Variants in SENP6 observed in about 807,000 individuals in gnomAD.
SENP6 encodes sentrin-specific protease 6.
A neutral mutation model predicts 134.5 loss-of-function variants in SENP6; 41 were observed. The ratio of observed to expected loss-of-function variants is 0.30; its 90% CI spans 0.24 to 0.40. The LOEUF is 0.40. Ranked by LOEUF, SENP6 falls within the 10% of genes least tolerant of loss-of-function variation. The pLI is 1.00. For missense variants in SENP6, 1,248 were observed against 1,312.5 expected, an observed-to-expected ratio of 0.95 and a Z score of 0.76; for synonymous variants, 395 against 429.8, an observed-to-expected ratio of 0.92 and a Z score of 1.00.
At chr6:75,644,315 C>T (rs1221638364) in intron 6 of SENP6, 1 of 151,974 alleles carries the variant, frequency 6.6e-6, no homozygotes, top group African/African-American at 2.4e-5. Flanking sequence ...ATAACTTAGA[C>T]CGAGGGACAC....
chr6:75,642,051 T>C (rs1770069000), intron 6 of SENP6, among the ~76,000 whole-genome samples: 1 of 152,242 alleles, frequency 6.6e-6, no homozygotes, highest in Non-Finnish European at 1.5e-5. Context: ...TTTGACAGCA[T>C]TACCATCCTT....
intron 1 of SENP6, among the ~76,000 whole-genome samples, chr6:75,618,981 A>T (rs1768058385): frequency 7.0e-6 from 1 of 143,846 alleles, no homozygotes. Context: ...TATTTTTTAG[A>T]GAGGATTTAT....
chr6:75,629,165 T>A (rs1768920440), intron 3 of SENP6, among the ~76,000 whole-genome samples: 3 of 152,250 alleles, frequency 2.0e-5, no homozygotes, highest in Admixed American at 2.0e-4. Context: ...TTACCAAGAT[T>A]TGAATAGCTA....
In SENP6 at chr6:75,673,119, A is replaced by C. The variant is rs529238506; in HGVS notation, c.1393-2316A>C. Among the ~76,000 whole-genome samples, 424 of 151,854 alleles carry C rather than the reference A, an allele frequency of 2.8e-3. 2 individuals are homozygous for C. Among genetic ancestry groups the C allele is most frequent in the Middle Eastern group, 0.014 (4 of 292 alleles). ...TGGGATTATAAGTGTGAGCCACTGC[A>C]CCCGGCCAATTGGCATTATTTAGAA... On this transcript the variant is annotated intron_variant, in intron 11 of 23. Transcript: ENST00000447266.
intron 19 of SENP6, among the ~76,000 whole-genome samples, 156 bp from the exon 20 acceptor site, chr6:75,709,371 A>G (rs1184372212): frequency 2.6e-5 from 4 of 152,194 alleles, no homozygotes. Context: ...GGTTTTTAAA[A>G]TAACTTACTT....
At chr6:75,648,559 G>A (rs1190654322) in intron 7 of SENP6, among the ~76,000 whole-genome samples, 1 of 151,360 alleles carries the variant, frequency 6.6e-6, no homozygotes, top group East Asian at 1.9e-4. Context: ...TGCATGTATT[G>A]AACATTTCTC....
chr6:75,642,681 A>G (rs1770119984), intron 6 of SENP6, among the ~76,000 whole-genome samples: 1 of 152,252 alleles, frequency 6.6e-6, no homozygotes, highest in African/African-American at 2.4e-5. Context: ...AGAAGCTTTC[A>G]GAGCATTTGA....
chr6:75,660,190 G>C (rs555360474), intron 8 of SENP6, among the ~76,000 whole-genome samples: 1 of 152,170 alleles, frequency 6.6e-6, no homozygotes, highest in Non-Finnish European at 1.5e-5. Flanking sequence ...AATGATGTGT[G>C]TAGTTTTCAA....
intron 1 of SENP6, chr6:75,611,130 C>T (rs646967): frequency 0.31 from 46,807 of 151,958 alleles, 7,827 homozygotes; most frequent in African/African-American, 0.44. Context: ...ATTCTGGAGA[C>T]AAGATGAAGG....
rs1203685807 is a variant in SENP6, at chr6:75,702,983, A to G, written c.2627A>G (p.Lys876Arg). Residue 876 changes from lysine to arginine, a missense_variant, in exon 19 of 24, where the codon AAA becomes AGA. Coordinates refer to ENST00000447266, the MANE Select transcript of SENP6 (RefSeq NM_015571.4). ...HTASENEEFN[K>R]GESTSQKVAD... is the part of the protein sequence containing the mutation. ...GCGAGTGAAAATGAAGAATTCAATA[A>G]AGGAGAATCTACATCCCAGAAAGTT... 1 of 1,613,886 alleles carries G rather than the reference A, an allele frequency of 6.2e-7. No homozygotes were observed. Among genetic ancestry groups the G allele is most frequent in the African/African-American group, 1.3e-5 (1 of 74,940 alleles).
intron 7 of SENP6, among the ~76,000 whole-genome samples, chr6:75,652,698 A>AAAAAAAAAAAAAAAAAAAAG (rs1554166656): frequency 9.4e-5 from 14 of 148,596 alleles, no homozygotes; most frequent in African/African-American, 3.5e-4. Flanking sequence ...AAAAAAAAAA[A>AAAAAAAAAAAAAAAAAAAAG]AAAAAGAAAA....
At chr6:75,641,297 A>C (rs1055559542) in intron 6 of SENP6, among the ~76,000 whole-genome samples, 1 of 152,208 alleles carries the variant, frequency 6.6e-6, no homozygotes, top group Admixed American at 6.5e-5. Flanking sequence ...TTCTTTTAAA[A>C]TAGAATATTT....
In SENP6 at chr6:75,718,135, G is replaced by T. The variant is rs958622879; in HGVS notation, c.*2541G>T. The T allele has an allele frequency of 6.6e-6, 1 of 152,066 alleles. No individual in the cohort carries two copies. The highest frequency in any genetic ancestry group is 2.4e-5 in the African/African-American group (1 of 41,404). The allele number at this position is 152,066 out of a possible 1,614,324, so 9.4% of individuals were successfully genotyped here. On this transcript the variant is annotated 3_prime_UTR_variant, in exon 24 of 24. Transcript: ENST00000447266. The stretch of plus-strand genomic sequence containing the variant: ...GTTTTAAGCCACCAAAATGAATGCA[G>T]TAATTTTTCTTTAAAAAAATGATCT...
At chr6:75,633,413 G>GA (rs756325031) in intron 3 of SENP6, among the ~76,000 whole-genome samples, 168 bp from the exon 4 acceptor site, 2 of 150,392 alleles carry the variant, frequency 1.3e-5, no homozygotes, top group African/African-American at 2.4e-5. Flanking sequence ...TTGTCTTTAG[G>GA]AAAAAAAAAG....
At chr6:75,606,403 T>C (rs948348393) in intron 1 of SENP6, among the ~76,000 whole-genome samples, 1 of 152,144 alleles carries the variant, frequency 6.6e-6, no homozygotes, top group Non-Finnish European at 1.5e-5. Flanking sequence ...TGATAGACAG[T>C]TTTGGCAGGT....
chr6:75,690,562 A>G (rs891080160), intron 16 of SENP6, among the ~76,000 whole-genome samples: 1 of 152,070 alleles, frequency 6.6e-6, no homozygotes, highest in African/African-American at 2.4e-5. Context: ...TTTAATAGAC[A>G]TATGTTCAGT....
intron 16 of SENP6, 46 bp from the exon 17 acceptor site, chr6:75,695,758 G>A (rs993083178): frequency 2.0e-5 from 29 of 1,450,308 alleles, no homozygotes; most frequent in Non-Finnish European, 2.7e-5. Context: ...AATAAATAAA[G>A]TGAACTGTTA....
At chr6:75,668,565 A>T (rs1013832892) in intron 10 of SENP6, among the ~76,000 whole-genome samples, 4 of 152,214 alleles carry the variant, frequency 2.6e-5, no homozygotes, top group Admixed American at 6.5e-5. Flanking sequence ...TTGCTGAAAA[A>T]TTTAAAACTA....
intron 7 of SENP6, 73 bp from the exon 8 acceptor site, chr6:75,659,189 T>C: frequency 9.0e-7 from 1 of 1,107,334 alleles, no homozygotes; most frequent in Non-Finnish European, 1.3e-6. Flanking sequence ...TCTTATGTTC[T>C]GATTATTTTT....
Sources: gnomAD v4.1 joint callset for allele counts (sites outside exome capture counted in the v4.1 genomes callset) on GRCh38, gnomAD v4.1.1 for gene constraint, MANE v1.5 for transcripts, NCBI Gene and HGNC (gene_info 2026-07-23, HGNC 2026-07-21) for gene names.